ACVR2A: variants seen among roughly 807,000 people sequenced by gnomAD.
The protein encoded by ACVR2A is activin A receptor type 2A, also known as activin receptor type-2A.
A neutral mutation model predicts 61.4 loss-of-function variants in ACVR2A; 7 were observed. The observed-to-expected ratio is 0.11, with a 90% confidence interval of 0.06 to 0.21. ACVR2A has a LOEUF of 0.21. Ranked by LOEUF, ACVR2A falls within the 10% of genes least tolerant of loss-of-function variation. The pLI, the probability that ACVR2A is intolerant of heterozygous loss-of-function variation, is 1.00. For missense variants in ACVR2A, 322 were observed against 621.7 expected (o/e 0.52, Z 5.13); for synonymous variants, 193 against 208.3 (o/e 0.93, Z 0.63).
chr2:147,849,123 T>C (rs1685388954), intron 1 of ACVR2A, among the ~76,000 whole-genome samples: 1 of 152,192 alleles, frequency 6.6e-6, no homozygotes, highest in Admixed American at 6.5e-5. Flanking sequence ...CAATGACTTA[T>C]GGATAAACTC....
chr2:147,919,405 A>G (rs983103593), intron 7 of ACVR2A, among the ~76,000 whole-genome samples: 9 of 152,138 alleles, frequency 5.9e-5, no homozygotes, highest in Admixed American at 2.0e-4. Context: ...ACCTGGTCAC[A>G]TAGGGAATTA....
Position 147,883,554 on chromosome 2 carries a change from A to AT in ACVR2A, c.56-12738dup, listed in dbSNP as rs930341992. Among the ~76,000 whole-genome samples, 94 of 151,868 alleles carry AT rather than the reference A, an allele frequency of 6.2e-4. 2 individuals are homozygous for AT. Among genetic ancestry groups the AT allele is most frequent in the African/African-American group, 2.1e-3 (85 of 41,444 alleles). The stretch of plus-strand genomic sequence containing the variant: ...CAAAAGTAATAAACAAGACATTGAG[A>AT]TTTTTTTTTAATACTCATAATCTTG... On this transcript the variant is annotated intron_variant, in intron 1 of 10. Transcript: ENST00000241416.
chr2:147,888,743 A>G (rs1686506123), intron 1 of ACVR2A, among the ~76,000 whole-genome samples: 1 of 151,634 alleles, frequency 6.6e-6, no homozygotes, highest in African/African-American at 2.4e-5. Flanking sequence ...GTCATCTGCA[A>G]ATAGAGGGAG....
At chr2:147,906,457 A>T (rs1426629276) in intron 4 of ACVR2A, among the ~76,000 whole-genome samples, 1 of 152,186 alleles carries the variant, frequency 6.6e-6, no homozygotes, top group South Asian at 2.1e-4. Flanking sequence ...AATGAAGGGT[A>T]AAGAGTGTAA....
chr2:147,890,341 A>AGTGTGTGTGTGT (rs60514095), intron 1 of ACVR2A, among the ~76,000 whole-genome samples: 4,614 of 148,894 alleles, frequency 0.031, 144 homozygotes, highest in African/African-American at 0.079. Flanking sequence ...CCATTAGTAT[A>AGTGTGTGTGTGT]GTGTGTGTGT....
chr2:147,876,579 C>T (rs1412905945), intron 1 of ACVR2A, among the ~76,000 whole-genome samples: 1 of 152,140 alleles, frequency 6.6e-6, no homozygotes, highest in Admixed American at 6.6e-5. Context: ...TCTCATCAGC[C>T]TATCACTGTC....
chr2:147,850,077 T>TC (rs777429154), intron 1 of ACVR2A, among the ~76,000 whole-genome samples: 23 of 152,154 alleles, frequency 1.5e-4, no homozygotes, highest in Non-Finnish European at 3.2e-4. Context: ...ATACTAGGGG[T>TC]CACTGGTATG....
At chr2:147,883,588 A>G (rs1686362422) in intron 1 of ACVR2A, among the ~76,000 whole-genome samples, 1 of 152,164 alleles carries the variant, frequency 6.6e-6, no homozygotes, top group South Asian at 2.1e-4. Context: ...TGCTTCTTAA[A>G]AGTTGAAGCA....
At chr2:147,925,773 C>A in intron 9 of ACVR2A, 1 of 356,200 alleles carries the variant, frequency 2.8e-6, no homozygotes, top group Non-Finnish European at 5.0e-6. Context: ...AAATAGGCAT[C>A]CTTTATACCT....
chr2:147,884,791 TA>T (rs1686389535), intron 1 of ACVR2A, among the ~76,000 whole-genome samples: 1 of 152,194 alleles, frequency 6.6e-6, no homozygotes, highest in Admixed American at 6.5e-5. Flanking sequence ...CCCTTGTTTT[TA>T]TTGGGTAGTT....
intron 6 of ACVR2A, among the ~76,000 whole-genome samples, 191 bp from the exon 7 acceptor site, chr2:147,918,256 T>TAGA (rs1687300729): frequency 6.6e-6 from 1 of 151,966 alleles, no homozygotes; most frequent in African/African-American, 2.4e-5. Context: ...TATTTCCTTC[T>TAGA]GGTCAAATGT....
At chr2:147,920,960 C>T (rs1269743907) in intron 8 of ACVR2A, among the ~76,000 whole-genome samples, 2 of 152,094 alleles carry the variant, frequency 1.3e-5, no homozygotes, top group African/African-American at 4.8e-5. Context: ...AGAACATTAT[C>T]CATACAGTTT....
chr2:147,888,547 G>T (rs1471647137), intron 1 of ACVR2A, among the ~76,000 whole-genome samples: 1 of 152,086 alleles, frequency 6.6e-6, no homozygotes, highest in African/African-American at 2.4e-5. Flanking sequence ...ACCGTAACTG[G>T]TGTTGCATTT....
chr2:147,907,505 G>T (rs1233122901), intron 4 of ACVR2A, among the ~76,000 whole-genome samples: 1 of 152,102 alleles, frequency 6.6e-6, no homozygotes, highest in Non-Finnish European at 1.5e-5. Context: ...AGCACCTGTT[G>T]TTTCTTGACT....
At chr2:147,855,740 A>T (rs1685555146) in intron 1 of ACVR2A, among the ~76,000 whole-genome samples, 1 of 152,020 alleles carries the variant, frequency 6.6e-6, no homozygotes, top group Non-Finnish European at 1.5e-5. Flanking sequence ...GTGAACTTTG[A>T]ATACAAATTC....
chr2:147,869,440 G>A (rs1270917944), intron 1 of ACVR2A, among the ~76,000 whole-genome samples: 3 of 152,078 alleles, frequency 2.0e-5, no homozygotes, highest in Non-Finnish European at 2.9e-5. Context: ...GTTTAAATGT[G>A]GTGTTGTCAA....
chr2:147,902,693 A>G (rs1386847888), intron 4 of ACVR2A, among the ~76,000 whole-genome samples: 1 of 152,022 alleles, frequency 6.6e-6, no homozygotes, highest in Non-Finnish European at 1.5e-5. Context: ...ATTGGGCTGT[A>G]GATAAAAATA....
At chr2:147,919,877 C>CTGTTTCTATG (rs1225152097) in intron 7 of ACVR2A, among the ~76,000 whole-genome samples, 1 of 152,076 alleles carries the variant, frequency 6.6e-6, no homozygotes, top group Non-Finnish European at 1.5e-5. Flanking sequence ...TTTAAAATTT[C>CTGTTTCTATG]TGTTTCTATG....
intron 1 of ACVR2A, among the ~76,000 whole-genome samples, chr2:147,874,538 G>A (rs757004164): frequency 6.6e-6 from 1 of 151,858 alleles, no homozygotes; most frequent in Non-Finnish European, 1.5e-5. Flanking sequence ...GAGGACCTCC[G>A]GCATTAGAAT....
Sources: gnomAD v4.1 joint callset for allele counts (sites outside exome capture counted in the v4.1 genomes callset) on GRCh38, gnomAD v4.1.1 for gene constraint, MANE v1.5 for transcripts, NCBI Gene and HGNC (gene_info 2026-07-23, HGNC 2026-07-21) for gene names.